ATP13A3: variants seen among roughly 807,000 people sequenced by gnomAD.
The protein encoded by ATP13A3 is ATPase 13A3, also known as polyamine-transporting ATPase 13A3.
A neutral mutation model predicts 158.1 loss-of-function variants in ATP13A3; 59 were observed. That is an observed-to-expected ratio of 0.37 (90% CI 0.30 to 0.46). ATP13A3 has a LOEUF of 0.46. Ranked by LOEUF, ATP13A3 falls within the 20% of genes least tolerant of loss-of-function variation. The probability of loss-of-function intolerance (pLI) is 1.00; values close to 1 mark genes in which losing one functional copy is unlikely to be tolerated. For synonymous variants in ATP13A3, 491 were observed against 504.3 expected, an observed-to-expected ratio of 0.97 and a Z score of 0.35; for missense variants, 1,166 against 1,525.2, an observed-to-expected ratio of 0.76 and a Z score of 3.92.
At chr3:194,420,814 CTTTTT>C (rs1394450717) in intron 30 of ATP13A3, among the ~76,000 whole-genome samples, 2 of 151,708 alleles carry the variant, frequency 1.3e-5, no homozygotes, top group African/African-American at 4.8e-5. Context: ...ATAGCCCAAA[CTTTTT>C]TCCCCTTTTC....
At position 194,459,526 on chromosome 3, in the gene ATP13A3, G is replaced by A. The variant is rs2108964534; in HGVS notation, c.424C>T (p.His142Tyr). Residue 142 changes from histidine to tyrosine, a missense_variant, in exon 6 of 34, where the codon CAC becomes TAC. This residue lies in a region of ATP13A3 where 104 missense variants were observed against 91.7 expected (regional missense o/e 1.13). Transcript: ENST00000645319. ...TTCCAGAAATATTTTACACTATGGT[G>A]GGTGAAATAACGAATCTGTGGAACA... ...TESQQIRYFT[H>Y]HSVKYFWNDT... 6.2e-7 allele frequency: 1 copy of A among 1,604,246 alleles called. No individual in the cohort carries two copies. The highest frequency in any genetic ancestry group is 2.2e-5 in the East Asian group (1 of 44,720).
chr3:194,456,390 A>C (rs1027088203), intron 7 of ATP13A3, among the ~76,000 whole-genome samples: 2 of 152,108 alleles, frequency 1.3e-5, no homozygotes, highest in African/African-American at 4.8e-5. Context: ...CGACTTTAAA[A>C]GAAAATGCTT....
At chr3:194,416,757 T>C (rs1715884071) in intron 31 of ATP13A3, among the ~76,000 whole-genome samples, 1 of 152,228 alleles carries the variant, frequency 6.6e-6, no homozygotes. Flanking sequence ...ATTACTTATA[T>C]ATGATGCCTG....
At chr3:194,443,063 GAAAC>G (rs1718160324) in intron 15 of ATP13A3, among the ~76,000 whole-genome samples, 1 of 150,696 alleles carries the variant, frequency 6.6e-6, no homozygotes, top group South Asian at 2.1e-4. Context: ...GAGTGACAGT[GAAAC>G]AAAGCAAATG....
chr3:194,430,018 C>G (rs1236218149), intron 26 of ATP13A3, 54 bp downstream of exon 26: 2 of 1,425,326 alleles, frequency 1.4e-6, no homozygotes, highest in Non-Finnish European at 9.7e-7. Context: ...ATTTTCTCTT[C>G]TGTATTATCA....
chr3:194,443,153 A>G (rs1223988), intron 15 of ATP13A3, among the ~76,000 whole-genome samples: 13,735 of 152,298 alleles, frequency 0.09, 903 homozygotes, highest in Non-Finnish European at 0.13. Flanking sequence ...AAATCTAAGC[A>G]TGCAGACTGT....
Position 194,456,059 on chromosome 3 carries a change from T to A in ATP13A3, c.561-97A>T, listed in dbSNP as rs920019342. ...AGGTAAGGCTTAAACCACAGACTGTTCTTATTCATGTCTCCAAACACCTGT... is the reference window on the plus strand; with the variant it reads ...AGGTAAGGCTTAAACCACAGACTGTACTTATTCATGTCTCCAAACACCTGT... On this transcript the variant is annotated intron_variant, in intron 7 of 33. Coordinates refer to ENST00000645319, the MANE Select transcript of ATP13A3 (RefSeq NM_001367549.1). 1.2e-5 allele frequency: 8 copies of A among 655,990 alleles called. No individual in the cohort carries two copies. The South Asian group carries it at 1.7e-4, about 14-fold the overall frequency. The allele number at this position is 655,990 out of a possible 1,614,324, so 40.6% of individuals were successfully genotyped here.
At position 194,441,369 on chromosome 3, in the gene ATP13A3, A is replaced by G. The variant is rs1339483262; in HGVS notation, c.1652T>C (p.Ile551Thr). Residue 551 changes from isoleucine to threonine, a missense_variant, in exon 16 of 34, where the codon ATT (isoleucine) becomes ACT (threonine). Transcript: ENST00000645319. ...TGGATCACCAGAGAGCACTCCTTCA[A>G]TTTTTGTAAGTGAATGACAAGTAGC... ...CMATCHSLTK[I>T]EGVLSGDPLD... is the part of the protein sequence containing the mutation. 2 of 1,613,718 alleles carry G rather than the reference A, an allele frequency of 1.2e-6. No homozygotes were observed. The highest frequency in any genetic ancestry group is 1.7e-6 in the Non-Finnish European group (2 of 1,179,798).
chr3:194,420,569 C>A (rs1157150749), intron 30 of ATP13A3, among the ~76,000 whole-genome samples: 1 of 152,108 alleles, frequency 6.6e-6, no homozygotes, highest in Non-Finnish European at 1.5e-5. Flanking sequence ...AGCCAAGAGA[C>A]TGAGTTGATC....
At chr3:194,489,473 T>C (rs1412319875), upstream of ATP13A3, among the ~76,000 whole-genome samples, 1 of 152,084 alleles carries the variant, frequency 6.6e-6, no homozygotes, top group Non-Finnish European at 1.5e-5. The surrounding 1 kb of genome is among the most constrained non-coding windows in gnomAD (Gnocchi z 4.1). Context: ...TGGTTCCCAC[T>C]GGCATCCATC....
At chr3:194,421,693 T>C (rs1716392796) in intron 30 of ATP13A3, among the ~76,000 whole-genome samples, 1 of 151,808 alleles carries the variant, frequency 6.6e-6, no homozygotes, top group Admixed American at 6.6e-5. Flanking sequence ...TAAGTAGTTA[T>C]GGTCAGATAA....
rs1377344013 is a variant in ATP13A3, at chr3:194,419,605, G to A, written c.3402+274C>T. ...AAGTAGACTGGTAGAGAAGAGAGGA[G>A]TAACAGGTACCAGGATCAACGTTTT... On this transcript the variant is annotated intron_variant, in intron 31 of 33. Coordinates refer to ENST00000645319, the MANE Select transcript of ATP13A3 (RefSeq NM_001367549.1). Among the ~76,000 whole-genome samples, 4 of 152,122 alleles carry A rather than the reference G, an allele frequency of 2.6e-5. No homozygotes were observed. In the South Asian group the frequency reaches 6.2e-4, roughly 24 times the overall value.
At chr3:194,459,222 T>C in intron 6 of ATP13A3, 3 of 440,210 alleles carry the variant, frequency 6.8e-6, no homozygotes, top group Non-Finnish European at 1.2e-5. Context: ...GAACTCAGAC[T>C]CAGTAGACTT....
chr3:194,460,572 C>A, intron 4 of ATP13A3, 86 bp downstream of exon 4: 1 of 1,369,960 alleles, frequency 7.3e-7, no homozygotes. Flanking sequence ...GCGATGTTCC[C>A]TTCATCTATT....
rs200670017 is a variant in ATP13A3 at position 194,431,140 on chromosome 3, T to C, written c.2508A>G (p.Ser836=). The change falls in exon 23 of 34, where the codon TCA becomes TCG. Residue 836 remains serine, a synonymous_variant. Coordinates refer to ENST00000645319, the MANE Select transcript of ATP13A3 (RefSeq NM_001367549.1). ...GGTCTTGAAAATGCTCCAGTATCAC[T>C]GAGAATGATTTTCCATTCATTGCAA... The part of the protein sequence containing the change: ...YHFAMNGKSF[S]VILEHFQDLV... 6.2e-7 allele frequency: 1 copy of C among 1,614,006 alleles called. No individual in the cohort carries two copies. The highest frequency in any genetic ancestry group is 1.3e-5 in the African/African-American group (1 of 75,064).
chr3:194,488,820 C>G (rs1182066955), upstream of ATP13A3: 1 of 152,280 alleles, frequency 6.6e-6, no homozygotes, highest in East Asian at 1.9e-4. The surrounding 1 kb of genome is among the most constrained non-coding windows in gnomAD (Gnocchi z 4.1). Flanking sequence ...TTGCTCACTT[C>G]ACTCATTCTT....
intron 6 of ATP13A3, chr3:194,459,216 T>C: frequency 2.3e-6 from 1 of 430,154 alleles, no homozygotes; most frequent in Non-Finnish European, 4.2e-6. Flanking sequence ...AGGTAAGAAC[T>C]CAGACTCAGT....
intron 20 of ATP13A3, among the ~76,000 whole-genome samples, chr3:194,436,032 A>G (rs1481085929): frequency 1.3e-5 from 2 of 152,212 alleles, no homozygotes; most frequent in Non-Finnish European, 2.9e-5. Flanking sequence ...AGAAGAGACT[A>G]ATGTGTCCTT....
intron 2 of ATP13A3, among the ~76,000 whole-genome samples, chr3:194,479,161 T>C (rs546961013): frequency 6.6e-6 from 1 of 152,202 alleles, no homozygotes; most frequent in Non-Finnish European, 1.5e-5. Context: ...TTCTATTCTC[T>C]TCATCAAACA....
Sources: gnomAD v4.1 joint callset for allele counts (sites outside exome capture counted in the v4.1 genomes callset) on GRCh38, gnomAD v4.1.1 for gene constraint, gnomAD v4.1.1 regional missense constraint, Gnocchi (gnomAD v3.1) non-coding constraint, MANE v1.5 for transcripts, NCBI Gene and HGNC (gene_info 2026-07-23, HGNC 2026-07-21) for gene names.